The following DISC1 variants were observed in gnomAD, a reference collection of about 807,000 sequenced individuals.
DISC1 encodes the protein DISC1 scaffold protein, also known as disrupted in schizophrenia 1 protein.
In DISC1, 57 loss-of-function variants were observed where a neutral mutation model predicts 84.5. The ratio of observed to expected loss-of-function variants is 0.67; its 90% CI spans 0.55 to 0.84. The LOEUF is 0.84. DISC1 is among the 40% of genes least tolerant of loss of function. DISC1 has a pLI of 0.00. For missense variants in DISC1, 1,000 were observed against 1,057.8 expected, an observed-to-expected ratio of 0.95 and a Z score of 0.76; for synonymous variants, 411 against 415.2, an observed-to-expected ratio of 0.99 and a Z score of 0.12.
At position 231,713,684 on chromosome 1, in the gene DISC1, TATATATATATATATAGGAG is replaced by T. The variant is rs1362079520; in HGVS notation, c.1117+11676_1117+11694del. Among the ~76,000 whole-genome samples the T allele has an allele frequency of 5.6e-3, 686 of 122,198 alleles. 17 individuals are homozygous for T. Among genetic ancestry groups the T allele is most frequent in the African/African-American group, 0.021 (616 of 29,270 alleles). The allele number at this position is 122,198 out of a possible 152,430, so 80.2% of individuals were successfully genotyped here. The stretch of plus-strand genomic sequence containing the variant: ...CCTCTAGGACATCATGAAGCAGATA[TATATATATATATATAGGAG>T]ATATATATATATATATATATAGGAG... On this transcript the variant is annotated intron_variant, in intron 3 of 12. Transcript: ENST00000439617.
chr1:231,660,468 A>T (rs144136887), intron 1 of DISC1, among the ~76,000 whole-genome samples: 2,231 of 151,698 alleles, frequency 0.015, 50 homozygotes, highest in African/African-American at 0.045. Context: ...GCCCAAAAAA[A>T]AAATATATAT....
At chr1:231,933,107 A>G (rs1413034887) in intron 9 of DISC1, among the ~76,000 whole-genome samples, 2 of 152,286 alleles carry the variant, frequency 1.3e-5, no homozygotes, top group South Asian at 2.1e-4. Flanking sequence ...TCGAGTACCC[A>G]TTATTTCCTT....
intron 1 of DISC1, among the ~76,000 whole-genome samples, chr1:231,689,890 T>C (rs914748866): frequency 3.9e-5 from 6 of 152,068 alleles, no homozygotes; most frequent in South Asian, 2.1e-4. Flanking sequence ...ATGAGTGATA[T>C]GGACAATTGG....
At chr1:231,695,538 C>G (rs1371026580) in intron 2 of DISC1, among the ~76,000 whole-genome samples, 1 of 152,056 alleles carries the variant, frequency 6.6e-6, no homozygotes, top group Non-Finnish European at 1.5e-5. Context: ...TGTGGCTCAT[C>G]TGTTGCCAGA....
intron 3 of DISC1, among the ~76,000 whole-genome samples, chr1:231,730,594 T>C (rs1050875889): frequency 6.6e-6 from 1 of 152,226 alleles, no homozygotes; most frequent in African/African-American, 2.4e-5. Flanking sequence ...CTACAGTTAC[T>C]GTTAATATGG....
intron 10 of DISC1, among the ~76,000 whole-genome samples, chr1:231,996,329 G>A (rs111658222): frequency 3.3e-4 from 50 of 152,248 alleles, no homozygotes; most frequent in African/African-American, 1.0e-3. Context: ...TTGCTGTGCA[G>A]AAGCTCTTTA....
chr1:231,866,021 G>C (rs565676290), intron 9 of DISC1, among the ~76,000 whole-genome samples: 1 of 152,036 alleles, frequency 6.6e-6, no homozygotes, highest in Non-Finnish European at 1.5e-5. Flanking sequence ...TTGGATTATC[G>C]ATCTCATTGT....
intron 8 of DISC1, among the ~76,000 whole-genome samples, chr1:231,804,943 C>T (rs1439054769): frequency 1.3e-5 from 2 of 151,844 alleles, no homozygotes; most frequent in Non-Finnish European, 1.5e-5. Context: ...TGTGGCAACA[C>T]CTTGGGAGTC....
intron 8 of DISC1, chr1:231,814,887 G>A (rs528790501): frequency 5.9e-5 from 9 of 151,616 alleles, no homozygotes; most frequent in African/African-American, 2.2e-4. Flanking sequence ...CCACTTCCTG[G>A]CTGATGGTGA....
intron 1 of DISC1, among the ~76,000 whole-genome samples, chr1:231,635,211 G>A (rs1195072457): frequency 6.6e-6 from 1 of 151,914 alleles, no homozygotes; most frequent in Non-Finnish European, 1.5e-5. Context: ...GTTCCTCTGT[G>A]GAAGGGGCTT....
chr1:231,682,930 AT>A (rs1232282214), intron 1 of DISC1, among the ~76,000 whole-genome samples: 1 of 152,224 alleles, frequency 6.6e-6, no homozygotes, highest in East Asian at 1.9e-4. Context: ...AGTGGGCTGG[AT>A]GTCAAACTGC....
chr1:231,852,557 T>C (rs1234666230), intron 9 of DISC1, among the ~76,000 whole-genome samples: 2 of 152,278 alleles, frequency 1.3e-5, no homozygotes, highest in African/African-American at 2.4e-5. Context: ...AGCATTCATA[T>C]AGCAACATTT....
intron 9 of DISC1, among the ~76,000 whole-genome samples, chr1:231,951,605 A>G (rs1016851961): frequency 2.0e-5 from 3 of 152,158 alleles, no homozygotes; most frequent in African/African-American, 7.2e-5. Flanking sequence ...CGCTCTGAGA[A>G]TGACTGCTGC....
chr1:232,003,098 T>C (rs1666919974), intron 10 of DISC1, among the ~76,000 whole-genome samples: 1 of 152,196 alleles, frequency 6.6e-6, no homozygotes, highest in Admixed American at 6.5e-5. Context: ...GGGAATTTTT[T>C]TAATTGAAAG....
intron 3 of DISC1, among the ~76,000 whole-genome samples, chr1:231,730,910 A>G (rs1334083448): frequency 1.3e-5 from 2 of 152,112 alleles, no homozygotes; most frequent in Non-Finnish European, 2.9e-5. Context: ...GTGTAAAATT[A>G]TTTTTATGCA....
intron 3 of DISC1, among the ~76,000 whole-genome samples, chr1:231,734,411 A>G (rs567105911): frequency 6.6e-6 from 1 of 151,958 alleles, no homozygotes; most frequent in African/African-American, 2.4e-5. Flanking sequence ...GATCCTGAGA[A>G]ATTTTGTGTT....
Position 231,694,422 on chromosome 1 carries a change from G to T in DISC1, c.664G>T (p.Glu222Ter), listed in dbSNP as rs769513744. The stretch of plus-strand genomic sequence containing the variant: ...TCGGCTCTCGCTTGGCTCTGCCGGG[G>T]AACGTGGAGAAGCAGAAGGCTGCCC... ...FIRLSLGSAG[E>*]RGEAEGCPPS... Residue 222 changes from glutamate to a stop codon, truncating the protein, a stop_gained, in exon 2 of 13, where the codon GAA becomes TAA. Coordinates refer to ENST00000439617, the MANE Select transcript of DISC1 (RefSeq NM_018662.3). LOFTEE classifies it high-confidence loss of function. 3.7e-6 allele frequency: 6 copies of T among 1,614,142 alleles called. No homozygotes were observed. Among genetic ancestry groups the T allele is most frequent in the Non-Finnish European group, 5.1e-6 (6 of 1,180,054 alleles).
chr1:231,710,891 C>T (rs2067733708), intron 3 of DISC1, among the ~76,000 whole-genome samples: 1 of 152,124 alleles, frequency 6.6e-6, no homozygotes, highest in African/African-American at 2.4e-5. Flanking sequence ...TATAATTTAG[C>T]CCAAAACAGG....
chr1:231,886,347 C>T (rs1180573914), intron 9 of DISC1, among the ~76,000 whole-genome samples: 1 of 152,168 alleles, frequency 6.6e-6, no homozygotes, highest in Non-Finnish European at 1.5e-5. Context: ...ATCTTCAAAA[C>T]TCTTGGGTAG....
Sources: allele counts gnomAD v4.1 joint callset (sites outside exome capture counted in the v4.1 genomes callset), GRCh38; gene constraint gnomAD v4.1.1; transcripts MANE v1.5; gene names NCBI Gene and HGNC (gene_info 2026-07-23, HGNC 2026-07-21).